PTPRD: variants seen among roughly 807,000 people sequenced by gnomAD.
PTPRD encodes the protein receptor-type tyrosine-protein phosphatase delta.
In PTPRD, 34 loss-of-function variants were observed where a neutral mutation model predicts 214.5. The observed-to-expected ratio is 0.16, with a 90% CI of 0.12 to 0.21. PTPRD has a LOEUF of 0.21. Among genes scored for constraint, PTPRD ranks in the 10% least tolerant of loss-of-function variants. The pLI is 1.00. For synonymous variants in PTPRD, 1,128 were observed against 845.7 expected, an observed-to-expected ratio of 1.33 and a Z score of -5.79; for missense variants, 2,545 against 2,398.7, an observed-to-expected ratio of 1.06 and a Z score of -1.27.
At chr9:8,364,759 C>T (rs991995050) in intron 39 of PTPRD, among the ~76,000 whole-genome samples, 1 of 152,228 alleles carries the variant, frequency 6.6e-6, no homozygotes, top group African/African-American at 2.4e-5. Flanking sequence ...CTGCGGTAGC[C>T]TCACTGACCA....
At chr9:9,141,661 C>T (rs2099860639) in intron 10 of PTPRD, among the ~76,000 whole-genome samples, 1 of 150,878 alleles carries the variant, frequency 6.6e-6, no homozygotes, top group Admixed American at 6.6e-5. Context: ...CACACCAACA[C>T]CCATTAAAAA....
At chr9:9,930,707 TATA>T (rs1566443649) in intron 5 of PTPRD, among the ~76,000 whole-genome samples, 1 of 152,110 alleles carries the variant, frequency 6.6e-6, no homozygotes, top group African/African-American at 2.4e-5. Flanking sequence ...TTGACACAAA[TATA>T]ATATTTAAAT....
intron 5 of PTPRD, among the ~76,000 whole-genome samples, chr9:9,788,017 A>C (rs1254160409): frequency 2.0e-5 from 3 of 151,342 alleles, no homozygotes; most frequent in Non-Finnish European, 4.4e-5. Context: ...TCCCGACTTA[A>C]GGTGATCCAC....
chr9:10,518,565 C>T (rs539358452), intron 2 of PTPRD, among the ~76,000 whole-genome samples: 1 of 151,478 alleles, frequency 6.6e-6, no homozygotes, highest in East Asian at 2.0e-4. Context: ...CGGAGTCTCG[C>T]ACTGTCACCC....
At chr9:8,900,981 A>G (rs1285596874) in intron 11 of PTPRD, among the ~76,000 whole-genome samples, 2 of 152,202 alleles carry the variant, frequency 1.3e-5, no homozygotes, top group African/African-American at 2.4e-5. Context: ...AGGTAAGTAC[A>G]TGATGATAGC....
At chr9:8,535,845 C>G (rs1379627024) in intron 14 of PTPRD, among the ~76,000 whole-genome samples, 3 of 151,894 alleles carry the variant, frequency 2.0e-5, no homozygotes, top group Non-Finnish European at 4.4e-5. Flanking sequence ...ATTAATTGTT[C>G]AGCTCTGGAG....
chr9:8,370,194 G>A (rs914018902), intron 39 of PTPRD, among the ~76,000 whole-genome samples: 3 of 126,090 alleles, frequency 2.4e-5, no homozygotes, highest in African/African-American at 9.9e-5. Flanking sequence ...TTCATGCACT[G>A]CACATATATA....
At chr9:8,603,505 C>T (rs1240584603) in intron 14 of PTPRD, among the ~76,000 whole-genome samples, 1 of 152,094 alleles carries the variant, frequency 6.6e-6, no homozygotes, top group Non-Finnish European at 1.5e-5. Flanking sequence ...TATTTGAGAA[C>T]TTTTTTCCTA....
At chr9:9,889,063 A>G (rs28588126) in intron 5 of PTPRD, among the ~76,000 whole-genome samples, 5,444 of 152,214 alleles carry the variant, frequency 0.036, 294 homozygotes, top group African/African-American at 0.12. Flanking sequence ...GGAATCTAAA[A>G]GAGTTGATCT....
intron 44 of PTPRD, among the ~76,000 whole-genome samples, chr9:8,321,184 T>C (rs542376584): frequency 4.4e-4 from 67 of 152,118 alleles, no homozygotes; most frequent in African/African-American, 1.5e-3. Context: ...TCTCTCTTAG[T>C]TGTGAGAAAC....
intron 14 of PTPRD, among the ~76,000 whole-genome samples, chr9:8,558,842 A>T (rs1564337705): frequency 6.6e-6 from 1 of 152,224 alleles, no homozygotes; most frequent in Non-Finnish European, 1.5e-5. Flanking sequence ...TAAAATGGTA[A>T]TTGCCACAAA....
At chr9:8,874,522 C>G (rs2098358391) in intron 11 of PTPRD, among the ~76,000 whole-genome samples, 3 of 152,210 alleles carry the variant, frequency 2.0e-5, no homozygotes, top group Admixed American at 1.3e-4. Flanking sequence ...TGCACCTCCC[C>G]TGAGCATCTC....
chr9:9,162,876 T>C (rs903597278), intron 10 of PTPRD, among the ~76,000 whole-genome samples: 8 of 152,090 alleles, frequency 5.3e-5, no homozygotes, highest in Non-Finnish European at 1.0e-4. Context: ...TTATCCAAGC[T>C]TACATGTTGC....
intron 11 of PTPRD, among the ~76,000 whole-genome samples, chr9:8,739,456 A>G (rs896256167): frequency 1.3e-5 from 2 of 152,228 alleles, no homozygotes; most frequent in Admixed American, 6.5e-5. Context: ...CTGAGGAAGT[A>G]AAGTTTTTAT....
chr9:9,097,622 G>A (rs2099785467), intron 10 of PTPRD, among the ~76,000 whole-genome samples: 1 of 151,918 alleles, frequency 6.6e-6, no homozygotes, highest in Admixed American at 6.6e-5. Flanking sequence ...GTGTCAGCCA[G>A]GATGGTCTCA....
intron 9 of PTPRD, among the ~76,000 whole-genome samples, chr9:9,322,216 C>G (rs931974428): frequency 2.0e-5 from 3 of 152,104 alleles, no homozygotes; most frequent in African/African-American, 4.8e-5. Context: ...CAGTAGAGTC[C>G]TATGACTTTC....
intron 7 of PTPRD, among the ~76,000 whole-genome samples, chr9:9,681,086 A>G (rs1014499695): frequency 6.6e-6 from 1 of 151,888 alleles, no homozygotes; most frequent in Non-Finnish European, 1.5e-5. Flanking sequence ...CAAAATAAGC[A>G]TATGTTAGAG....
At chr9:10,176,971 T>C (rs2099252367) in intron 3 of PTPRD, among the ~76,000 whole-genome samples, 2 of 151,856 alleles carry the variant, frequency 1.3e-5, no homozygotes, top group African/African-American at 4.8e-5. Context: ...TTATACAGTG[T>C]TGTTGATGTT....
intron 41 of PTPRD, 49 bp downstream of exon 41, chr9:8,341,041 A>G (rs766504976): frequency 6.7e-7 from 1 of 1,488,372 alleles, no homozygotes; most frequent in Non-Finnish European, 9.0e-7. Context: ...AAACTAGGGC[A>G]CATGTAAATA....
Sources: allele counts gnomAD v4.1 joint callset (sites outside exome capture counted in the v4.1 genomes callset), GRCh38; gene constraint gnomAD v4.1.1; transcripts MANE v1.5; gene names NCBI Gene and HGNC (gene_info 2026-07-23, HGNC 2026-07-21).